The following PEMT variants were observed in gnomAD, a reference collection of about 807,000 sequenced individuals.
PEMT encodes phosphatidylethanolamine N-methyltransferase.
A neutral mutation model predicts 27.4 loss-of-function variants in PEMT; 23 were observed. The ratio of observed to expected loss-of-function variants is 0.84; its 90% CI spans 0.60 to 1.19. The LOEUF (loss-of-function observed/expected upper bound fraction) is 1.19, where lower values mean the gene tolerates loss of function less well. Ranked by LOEUF, PEMT falls within the 50% of genes most tolerant of loss-of-function variation. The pLI is 0.00. For missense variants in PEMT, 307 were observed against 310.1 expected (o/e 0.99, Z 0.07); for synonymous variants, 137 against 139.1 (o/e 0.98, Z 0.11).
intron 1 of PEMT, among the ~76,000 whole-genome samples, chr17:17,579,506 C>T (rs893504459): frequency 1.3e-5 from 2 of 152,082 alleles, no homozygotes; most frequent in African/African-American, 2.4e-5. Flanking sequence ...AGTGAAACCC[C>T]GTCTCTACTA....
At chr17:17,583,230 G>T (rs573789500) in intron 1 of PEMT, among the ~76,000 whole-genome samples, 2 of 152,014 alleles carry the variant, frequency 1.3e-5, no homozygotes, top group South Asian at 4.2e-4. Context: ...TACAAAAATA[G>T]CCAGACGTGG....
intron 1 of PEMT, among the ~76,000 whole-genome samples, chr17:17,579,177 G>A (rs972890998): frequency 3.3e-5 from 5 of 152,194 alleles, no homozygotes; most frequent in African/African-American, 4.8e-5. Flanking sequence ...TTCCCCAAAC[G>A]ACAGTCTCCT....
chr17:17,586,765 G>A (rs1912336877), intron 1 of PEMT, among the ~76,000 whole-genome samples: 1 of 152,152 alleles, frequency 6.6e-6, no homozygotes, highest in Non-Finnish European at 1.5e-5. Flanking sequence ...TACTTTGGGA[G>A]GCTGAAGCAG....
chr17:17,520,461 G>A (rs868305551), intron 3 of PEMT, among the ~76,000 whole-genome samples: 1 of 152,176 alleles, frequency 6.6e-6, no homozygotes, highest in South Asian at 2.1e-4. Context: ...TAAAACCTCG[G>A]GCAACCATTG....
Position 17,505,751 on chromosome 17 carries a change from G to T in PEMT, c.*40C>A, listed in dbSNP as rs1201865400. 1 of 1,585,470 alleles carries T rather than the reference G, an allele frequency of 6.3e-7. No individual in the cohort carries two copies. Among genetic ancestry groups the T allele is most frequent in the Admixed American group, 1.8e-5 (1 of 56,090 alleles). ...AGGGCCTGCCACTTGGGGCAGGCCAGGAGGCTGGCCAGGCCTTCAGCAAAG... is the reference window on the plus strand; with the variant it reads ...AGGGCCTGCCACTTGGGGCAGGCCATGAGGCTGGCCAGGCCTTCAGCAAAG... On this transcript the variant is annotated 3_prime_UTR_variant, in exon 7 of 7. Transcript: ENST00000255389.
intron 5 of PEMT, chr17:17,507,220 G>A (rs1905946734): frequency 6.5e-7 from 1 of 1,544,608 alleles, no homozygotes; most frequent in African/African-American, 1.4e-5. Flanking sequence ...GGAGGAGGGA[G>A]GGAGGGAGGA....
intron 3 of PEMT, among the ~76,000 whole-genome samples, chr17:17,521,747 A>C (rs745919378): frequency 6.6e-6 from 1 of 152,052 alleles, no homozygotes; most frequent in Non-Finnish European, 1.5e-5. Context: ...TTGTATTTTT[A>C]GTAGAGACGG....
chr17:17,582,491 G>A lies in PEMT; in HGVS notation c.97-5464C>T. On this transcript the variant is annotated intron_variant, in intron 1 of 6. Coordinates refer to ENST00000255389, the MANE Select transcript of PEMT (RefSeq NM_148172.3). The surrounding 1 kb of genome is among the most constrained non-coding windows in gnomAD (Gnocchi z 4.9). ...TGACACATGGACAAACAGCAGGCCT[G>A]GACAGGCAAAGTCACATCGATTCCA... The A allele has an allele frequency of 1.1e-6, 1 of 928,848 alleles. No homozygotes were observed. The highest frequency in any genetic ancestry group is 1.3e-6 in the Non-Finnish European group (1 of 778,276). 57.5% of individuals were successfully genotyped at this position (928,848 alleles called of 1,614,324 possible).
At chr17:17,507,157 T>G in intron 5 of PEMT, 2 of 1,559,410 alleles carry the variant, frequency 1.3e-6, no homozygotes, top group Non-Finnish European at 1.7e-6. Context: ...CCCAATCTAT[T>G]TCTATAGTTA....
At chr17:17,511,041 C>T (rs369798905) in intron 4 of PEMT, among the ~76,000 whole-genome samples, 3 of 152,194 alleles carry the variant, frequency 2.0e-5, no homozygotes, top group Non-Finnish European at 4.4e-5. Context: ...TGGGACCCCC[C>T]CTATGGCTCC....
At chr17:17,589,385 A>G (rs1344599514) in intron 1 of PEMT, among the ~76,000 whole-genome samples, 3 of 151,982 alleles carry the variant, frequency 2.0e-5, no homozygotes, top group Non-Finnish European at 4.4e-5. Flanking sequence ...TTGGTATGAC[A>G]TGGCAGCCAC....
In PEMT at chr17:17,556,226, C is replaced by G. The variant is rs140240035; in HGVS notation, c.204+20694G>C. The stretch of plus-strand genomic sequence containing the variant: ...ACTCAGGAACAGGTCTTCTGACTCT[C>G]AGAGCAGCCCTGCGAGGCAGCTGTC... On this transcript the variant is annotated intron_variant, in intron 2 of 6. Transcript: ENST00000255389. Among the ~76,000 whole-genome samples, 258 of 152,358 alleles carry G rather than the reference C, an allele frequency of 1.7e-3. No homozygotes were observed. The Middle Eastern group carries it at 0.017, about 10-fold the overall frequency.
At chr17:17,577,540 C>A in intron 1 of PEMT, 8 of 991,760 alleles carry the variant, frequency 8.1e-6, no homozygotes, top group Non-Finnish European at 9.6e-6. Context: ...AAGTGTGTGC[C>A]CACATCCCGG....
At chr17:17,527,464 G>A (rs960112602) in intron 2 of PEMT, among the ~76,000 whole-genome samples, 5 of 152,234 alleles carry the variant, frequency 3.3e-5, no homozygotes, top group African/African-American at 4.8e-5. Flanking sequence ...CCAGGTTCTG[G>A]GCTCAAACAC....
chr17:17,574,754 C>T (rs750677206), intron 2 of PEMT, among the ~76,000 whole-genome samples: 19 of 152,304 alleles, frequency 1.2e-4, no homozygotes, highest in South Asian at 2.1e-4. Flanking sequence ...TAAATAAAAG[C>T]GTCCTCAGGA....
chr17:17,525,577 G>T (rs1907608129), intron 2 of PEMT, among the ~76,000 whole-genome samples: 1 of 152,226 alleles, frequency 6.6e-6, no homozygotes, highest in East Asian at 1.9e-4. Context: ...CCTGGTTTTT[G>T]CCTGTCTTCT....
At chr17:17,506,362 A>AGG in intron 5 of PEMT, 61 bp from the exon 6 acceptor site, 1 of 1,304,874 alleles carries the variant, frequency 7.7e-7, no homozygotes, top group Non-Finnish European at 1.1e-6. Flanking sequence ...GCCACGGCCC[A>AGG]CCTGCCCAGG....
intron 2 of PEMT, among the ~76,000 whole-genome samples, chr17:17,546,185 C>T (rs371383194): frequency 2.6e-5 from 4 of 152,290 alleles, no homozygotes; most frequent in Middle Eastern, 3.4e-3. Context: ...GGCTAGAAGG[C>T]GGTGTCACCT....
rs1906568852 is a variant in PEMT, at chr17:17,513,449, T to C, written c.321-795A>G. 2.0e-5 allele frequency among the ~76,000 whole-genome samples: 3 copies of C among 151,974 alleles called. No homozygotes were observed. On this transcript the variant is annotated intron_variant, in intron 3 of 6. Transcript: ENST00000255389. This position sits in a 1 kb window ranked among gnomAD's most constrained non-coding sequence, Gnocchi z 4.1. ...CTGTCTCTACCCAAAATACAAAAAT[T>C]AGCTGGGTGTGGTGGTGGGCACCTG...
Sources: gnomAD v4.1 joint callset for allele counts (sites outside exome capture counted in the v4.1 genomes callset) on GRCh38, gnomAD v4.1.1 for gene constraint, Gnocchi (gnomAD v3.1) non-coding constraint, MANE v1.5 for transcripts, NCBI Gene and HGNC (gene_info 2026-07-23, HGNC 2026-07-21) for gene names.